Variants in PPP2R3B observed in about 807,000 individuals in gnomAD.
PPP2R3B encodes the protein serine/threonine-protein phosphatase 2A regulatory subunit B'' subunit beta.
A neutral mutation model predicts 72.9 loss-of-function variants in PPP2R3B; 68 were observed. The observed-to-expected ratio is 0.93, with a 90% CI of 0.77 to 1.14. The LOEUF (loss-of-function observed/expected upper bound fraction) is 1.14. PPP2R3B is among the 50% of genes most tolerant of loss of function. The pLI is 0.00. For missense variants in PPP2R3B, 1,018 were observed against 842.0 expected (o/e 1.21, Z -2.59); for synonymous variants, 466 against 375.8 (o/e 1.24, Z -2.78).
chrX:341,619 C>A (rs1569380376), intron 8 of PPP2R3B: 4 of 642,688 alleles, frequency 6.2e-6, no homozygotes, highest in Non-Finnish European at 8.2e-6. Flanking sequence ...ACCTTCGTTA[C>A]TGCTCACTCA....
intron 10 of PPP2R3B, 73 bp from the exon 11 acceptor site, chrX:338,969 C>T (rs1413626291): frequency 1.9e-5 from 23 of 1,241,348 alleles, no homozygotes; most frequent in South Asian, 1.4e-4. Context: ...GGGGTGCGCG[C>T]GTCCTGTCAC....
At position 370,843 on chromosome X, in the gene PPP2R3B, A is replaced by T. The variant is rs902183366; in HGVS notation, c.325-9253T>A. Reference sequence around the variant, plus strand: ...AGAGCCCAGGCTGTCACCACGCTGAAGTCAGTTCCAAGTACAGCGGGGCTG... The same window carrying T: ...AGAGCCCAGGCTGTCACCACGCTGATGTCAGTTCCAAGTACAGCGGGGCTG... On this transcript the variant is annotated intron_variant, in intron 1 of 12. Coordinates refer to ENST00000390665, the MANE Select transcript of PPP2R3B (RefSeq NM_013239.5). 2.0e-5 allele frequency among the ~76,000 whole-genome samples: 3 copies of T among 152,210 alleles called. No individual in the cohort carries two copies. In the South Asian group the frequency reaches 6.2e-4, roughly 31 times the overall value.
chrX:341,709 A>ACCC lies in PPP2R3B; in HGVS notation c.1085+171_1085+173dup, dbSNP rs35670106. ...AGACTTCGCGTGACAGTCTTGTGCC[A>ACCC]CCCCCCCCCACTAGGGATTCACGTG... On this transcript the variant is annotated intron_variant, in intron 8 of 12. Transcript: ENST00000390665. 51 of 721,244 alleles carry ACCC rather than the reference A, an allele frequency of 7.1e-5. No homozygotes were observed. The African/African-American group carries it at 7.1e-4, about 10-fold the overall frequency. The allele number at this position is 721,244 out of a possible 1,614,324, so 44.7% of individuals were successfully genotyped here.
chrX:369,108 G>C (rs1233107428), intron 1 of PPP2R3B, among the ~76,000 whole-genome samples: 1 of 152,204 alleles, frequency 6.6e-6, no homozygotes, highest in African/African-American at 2.4e-5. Flanking sequence ...AGGTCTCAGG[G>C]GGTTCTGAAG....
intron 2 of PPP2R3B, among the ~76,000 whole-genome samples, chrX:357,803 G>T (rs1406370771): frequency 6.6e-6 from 1 of 152,170 alleles, no homozygotes; most frequent in Non-Finnish European, 1.5e-5. Context: ...AGGTGAAGGA[G>T]CTGATGACTC....
At chrX:370,783 T>C in intron 1 of PPP2R3B, among the ~76,000 whole-genome samples, 1 of 152,274 alleles carries the variant, frequency 6.6e-6, no homozygotes, top group African/African-American at 2.4e-5. Context: ...GCACGTGCCC[T>C]GGCGGTGAGA....
At chrX:346,393 C>G (rs2071214032) in intron 5 of PPP2R3B, 133 bp from the exon 6 acceptor site, 1 of 883,290 alleles carries the variant, frequency 1.1e-6, no homozygotes, top group Non-Finnish European at 1.7e-6. Context: ...CAGGCGGGGG[C>G]AGAGGGAAGG....
chrX:359,097 CGT>C lies in PPP2R3B; in HGVS notation c.510+2306_510+2307del, dbSNP rs1232024024. On this transcript the variant is annotated intron_variant, in intron 2 of 12. Coordinates refer to ENST00000390665, the MANE Select transcript of PPP2R3B (RefSeq NM_013239.5). ...TGTAGGACCCGAAGCGGACGCAGCG[CGT>C]GAGCTGCAAAAGAGGTGTCTGACCC... Among the ~76,000 whole-genome samples, 4 of 152,022 alleles carry C rather than the reference CGT, an allele frequency of 2.6e-5. No individual in the cohort carries two copies. The East Asian group carries it at 7.8e-4, about 29-fold the overall frequency.
chrX:382,273 C>T (rs1337096710), intron 1 of PPP2R3B, among the ~76,000 whole-genome samples: 2 of 150,928 alleles, frequency 1.3e-5, no homozygotes, highest in South Asian at 2.1e-4. Flanking sequence ...TTTCAGCTCA[C>T]TGCAATCTCC....
At chrX:364,120 C>T (rs1296708047) in intron 1 of PPP2R3B, among the ~76,000 whole-genome samples, 4 of 152,244 alleles carry the variant, frequency 2.6e-5, no homozygotes, top group Non-Finnish European at 5.9e-5. Flanking sequence ...TCTCTCACAG[C>T]CTTGCAGAGC....
intron 8 of PPP2R3B, 183 bp from the exon 9 acceptor site, chrX:341,579 T>C (rs925813927): frequency 3.2e-5 from 22 of 691,798 alleles, no homozygotes; most frequent in Non-Finnish European, 5.3e-5. Flanking sequence ...CCAGAGGGTT[T>C]TCCCCAGATC....
intron 1 of PPP2R3B, among the ~76,000 whole-genome samples, chrX:367,748 G>C (rs1243904965): frequency 6.6e-6 from 1 of 152,186 alleles, no homozygotes; most frequent in African/African-American, 2.4e-5. Context: ...ACAAGACAAA[G>C]GTCTGACTGC....
chrX:363,345 A>G (rs867427522), intron 1 of PPP2R3B, among the ~76,000 whole-genome samples: 9,547 of 131,742 alleles, frequency 0.072, 1,807 homozygotes, highest in Admixed American at 0.12. Flanking sequence ...CGAGCCCACC[A>G]TCCCGCAGTG....
Position 384,938 on chromosome X carries a change from T to C in PPP2R3B, c.324+1430A>G, listed in dbSNP as rs1297695836. Among the ~76,000 whole-genome samples the C allele has an allele frequency of 5.5e-5, 8 of 146,178 alleles. No homozygotes were observed. In the East Asian group the frequency reaches 1.6e-3, roughly 29 times the overall value. On this transcript the variant is annotated intron_variant, in intron 1 of 12. Transcript: ENST00000390665. The stretch of plus-strand genomic sequence containing the variant: ...AGGCGGAGGTTGCAGTGAGCTGAGA[T>C]TGCACCATTGCATCTCAGCCTGGGT...
chrX:347,397 C>A, intron 3 of PPP2R3B, 61 bp from the exon 4 acceptor site: 1 of 1,489,912 alleles, frequency 6.7e-7, no homozygotes, highest in Admixed American at 1.7e-5. Flanking sequence ...ACCCCGCAGA[C>A]GCAGGGTGGA....
intron 1 of PPP2R3B, among the ~76,000 whole-genome samples, chrX:363,655 T>TCGAA (rs2071609711): frequency 3.5e-4 from 1 of 2,818 alleles, no homozygotes; most frequent in East Asian, 9.6e-3. Context: ...CATCTCCCTG[T>TCGAA]GCCCACCATC....
chrX:344,054 AGGGAGAC>A (rs2071137108), intron 7 of PPP2R3B, among the ~76,000 whole-genome samples: 1 of 145,528 alleles, frequency 6.9e-6, no homozygotes, highest in Non-Finnish European at 1.5e-5. Flanking sequence ...GGGAGGCGGG[AGGGAGAC>A]GTCGCCAACG....
At chrX:339,006 T>A (rs754603734) in intron 10 of PPP2R3B, 110 bp from the exon 11 acceptor site, 5 of 880,812 alleles carry the variant, frequency 5.7e-6, no homozygotes, top group South Asian at 4.1e-5. Context: ...GGCACGAAGC[T>A]CCGGGCTCTC....
At position 383,837 on chromosome X, in the gene PPP2R3B, CAAAAAAAAAAA is replaced by C. The variant is rs757960788; in HGVS notation, c.324+2520_324+2530del. On this transcript the variant is annotated intron_variant, in intron 1 of 12. Transcript: ENST00000390665. ...TGGGGGACAGAGCGAGACTCCGTCTCAAAAAAAAAAAAAAAAAAAAAAAAAAAAAACCAAAA... is the reference window on the plus strand; with the variant it reads ...TGGGGGACAGAGCGAGACTCCGTCTCAAAAAAAAAAAAAAAAAAACCAAAA... 3.0e-3 allele frequency among the ~76,000 whole-genome samples: 135 copies of C among 45,624 alleles called. 1 individual carries two copies. The South Asian group carries it at 0.071, about 24-fold the overall frequency. 29.9% of individuals were successfully genotyped at this position (45,624 alleles called of 152,430 possible). A position where few individuals can be genotyped will look rare whatever the true frequency, so the allele number is the denominator to read the frequency against.
Sources: allele counts gnomAD v4.1 joint callset (sites outside exome capture counted in the v4.1 genomes callset), GRCh38; gene constraint gnomAD v4.1.1; transcripts MANE v1.5; gene names NCBI Gene and HGNC (gene_info 2026-07-23, HGNC 2026-07-21).